VEGFA: variants seen among roughly 807,000 people sequenced by gnomAD.
VEGFA encodes vascular endothelial growth factor A, long form.
In VEGFA, 20 loss-of-function variants were observed where a neutral mutation model predicts 49.7. That is an observed-to-expected ratio of 0.40 (90% CI 0.28 to 0.58). The LOEUF (loss-of-function observed/expected upper bound fraction) is 0.58, where lower values mean the gene tolerates loss of function less well. Among genes scored for constraint, VEGFA ranks in the 20% least tolerant of loss-of-function variants. VEGFA has a pLI of 0.40. For missense variants in VEGFA, 505 were observed against 553.5 expected, an observed-to-expected ratio of 0.91 and a Z score of 0.88; for synonymous variants, 219 against 223.4, an observed-to-expected ratio of 0.98 and a Z score of 0.18.
Position 43,777,435 on chromosome 6 carries a change from C to T in VEGFA, c.659-34C>T, listed in dbSNP as rs939101660. 6.2e-6 allele frequency: 10 copies of T among 1,612,320 alleles called. 1 individual carries two copies. The highest frequency in any genetic ancestry group is 2.7e-5 in the African/African-American group (2 of 74,900). On this transcript the variant is annotated intron_variant, in intron 2 of 7. Transcript: ENST00000672860. This position sits in a 1 kb window ranked among gnomAD's most constrained non-coding sequence, Gnocchi z 4.3. ...AGGGGCTAGCCATCTTTTGTGTCGC[C>T]CACCGGGCTCATGTGTCATCGCCTC...
At chr6:43,778,431 C>A in intron 3 of VEGFA, 29 bp from the exon 4 acceptor site, 1 of 1,609,646 alleles carries the variant, frequency 6.2e-7, no homozygotes, top group South Asian at 1.1e-5. Flanking sequence ...GGGTCACTAA[C>A]CTCTGTGATC....
At chr6:43,781,214 A>T in intron 6 of VEGFA, 1 of 399,174 alleles carries the variant, frequency 2.5e-6, no homozygotes, top group Non-Finnish European at 4.7e-6. Context: ...ACATGGCCCA[A>T]GAAGGGCTGT....
Position 43,786,221 on chromosome 6 carries a change from A to C in VEGFA, c.*1659A>C, listed in dbSNP as rs1257856744. On this transcript the variant is annotated 3_prime_UTR_variant, in exon 8 of 8. Coordinates refer to ENST00000672860, the MANE Select transcript of VEGFA (RefSeq NM_003376.6). ...TTGCTATTCTGTTTTTTATATGTAA[A>C]AACAAAACAAGAAAAAATAGAGAAT... 4 of 177,940 alleles carry C rather than the reference A, an allele frequency of 2.2e-5. No homozygotes were observed. The highest frequency in any genetic ancestry group is 4.8e-5 in the Non-Finnish European group (4 of 83,066). 11.0% of individuals were successfully genotyped at this position (177,940 alleles called of 1,614,324 possible).
rs2127996584 is a variant in VEGFA, at chr6:43,771,072, G to A, written c.366G>A (p.Glu122=). Reference sequence around the variant, plus strand: ...GGAAGCCGGGCTCATGGACGGGTGAGGCGGCGGTGTGCGCAGACAGTGCTC... The same window carrying A: ...GGAAGCCGGGCTCATGGACGGGTGAAGCGGCGGTGTGCGCAGACAGTGCTC... The change falls in exon 1 of 8, where the codon GAG becomes GAA. Residue 122 remains glutamate (E), a synonymous_variant. Coordinates refer to ENST00000672860, the MANE Select transcript of VEGFA (RefSeq NM_003376.6). 1 of 1,502,972 alleles carries A rather than the reference G, an allele frequency of 6.7e-7. No individual in the cohort carries two copies. The highest frequency in any genetic ancestry group is 2.6e-5 in the East Asian group (1 of 38,020). The allele number at this position is 1,502,972 out of a possible 1,614,324, so 93.1% of individuals were successfully genotyped here. A position where few individuals can be genotyped will look rare whatever the true frequency, so the allele number is the denominator to read the frequency against.
intron 7 of VEGFA, chr6:43,784,147 G>T (rs1269478882): frequency 2.2e-5 from 7 of 318,168 alleles, no homozygotes; most frequent in Non-Finnish European, 4.2e-5. Context: ...CTCCTCAGCA[G>T]GGAGCCTCTT....
Position 43,785,657 on chromosome 6 carries a change from TTG to T in VEGFA, c.*1106_*1107del, listed in dbSNP as rs747174244. 13 of 199,688 alleles carry T rather than the reference TTG, an allele frequency of 6.5e-5. No individual in the cohort carries two copies. Among genetic ancestry groups the T allele is most frequent in the African/African-American group, 9.2e-5 (4 of 43,324 alleles). 12.4% of individuals were successfully genotyped at this position (199,688 alleles called of 1,614,324 possible). On this transcript the variant is annotated 3_prime_UTR_variant, in exon 8 of 8. Coordinates refer to ENST00000672860, the MANE Select transcript of VEGFA (RefSeq NM_003376.6). ...AGTTCTGTCCCCCCAGGAGACCTGG[TTG>T]TGTGTGTGTGAGTGGTTGACCTTCC...
chr6:43,782,109 A>C (rs745664349), intron 7 of VEGFA, 22 bp downstream of exon 7: 38 of 1,612,468 alleles, frequency 2.4e-5, no homozygotes, highest in Non-Finnish European at 3.1e-5. Context: ...GAGGGCAAGC[A>C]AGTCAGAGAG....
chr6:43,771,060 ATG>A lies in VEGFA; in HGVS notation c.355_356del (p.Trp119AspfsTer3). ...GACTCGGCGCTCGGAAGCCGGGCTC[ATG>A]GACGGGTGAGGCGGCGGTGTGCGCA... is the stretch of plus-strand genomic sequence containing the variant. On this transcript the variant is annotated frameshift_variant, in exon 1 of 8. Transcript: ENST00000672860. LOFTEE classifies it high-confidence loss of function. 7.3e-6 allele frequency: 11 copies of A among 1,514,572 alleles called. No individual in the cohort carries two copies. Among genetic ancestry groups the A allele is most frequent in the Non-Finnish European group, 8.8e-6 (10 of 1,131,264 alleles). The allele number at this position is 1,514,572 out of a possible 1,614,324, so 93.8% of individuals were successfully genotyped here. A position where few individuals can be genotyped will look rare whatever the true frequency, so the allele number is the denominator to read the frequency against.
At position 43,770,805 on chromosome 6, in the gene VEGFA, G is replaced by A; in HGVS notation, c.99G>A (p.Gly33=). 1 of 1,509,650 alleles carries A rather than the reference G, an allele frequency of 6.6e-7. No homozygotes were observed. The highest frequency in any genetic ancestry group is 1.3e-5 in the South Asian group (1 of 79,436). The allele number at this position is 1,509,650 out of a possible 1,614,324, so 93.5% of individuals were successfully genotyped here. Reference sequence around the variant, plus strand: ...ACGCGGCGGCGAGCCGCGGGCAGGGGCCGGAGCCCGCGCCCGGAGGCGGGG... The same window carrying A: ...ACGCGGCGGCGAGCCGCGGGCAGGGACCGGAGCCCGCGCCCGGAGGCGGGG... Residue 33 remains glycine (G), a synonymous_variant, in exon 1 of 8, where the codon GGG becomes GGA. Transcript: ENST00000672860.
At position 43,771,352 on chromosome 6, in the gene VEGFA, A is replaced by G. The variant is rs1258835077; in HGVS notation, c.606+40A>G. The G allele has an allele frequency of 2.5e-6, 4 of 1,583,026 alleles. No homozygotes were observed. In the African/African-American group the frequency reaches 5.6e-5, roughly 22 times the overall value. On this transcript the variant is annotated intron_variant, in intron 1 of 7. Coordinates refer to ENST00000672860, the MANE Select transcript of VEGFA (RefSeq NM_003376.6). ...CCTGCTGGCGCCGCGGGCCGCTGCG[A>G]GCGCCTCTCCCGGCTGGGGACGTGC... is the stretch of plus-strand genomic sequence containing the variant.
At chr6:43,772,392 T>G (rs1036917737) in intron 1 of VEGFA, among the ~76,000 whole-genome samples, 1 of 152,332 alleles carries the variant, frequency 6.6e-6, no homozygotes, top group Middle Eastern at 3.4e-3. Flanking sequence ...AAGTCCCGAC[T>G]TGGTGACAGT....
chr6:43,770,761 G>T lies in VEGFA; in HGVS notation c.55G>T (p.Gly19Cys). ...CAGCCCCAGCTACCACCTCCTCCCC[G>T]GCCGGCGGCGGACAGTGGACGCGGC... Residue 19 changes from glycine (G) to cysteine (C), a missense_variant, in exon 1 of 8, where the codon GGC (glycine) becomes TGC (cysteine). Coordinates refer to ENST00000672860, the MANE Select transcript of VEGFA (RefSeq NM_003376.6). 1 of 1,488,922 alleles carries T rather than the reference G, an allele frequency of 6.7e-7. No individual in the cohort carries two copies. Among genetic ancestry groups the T allele is most frequent in the Non-Finnish European group, 8.9e-7 (1 of 1,127,234 alleles). The allele number at this position is 1,488,922 out of a possible 1,614,324, so 92.2% of individuals were successfully genotyped here. A position where few individuals can be genotyped will look rare whatever the true frequency, so the allele number is the denominator to read the frequency against.
intron 1 of VEGFA, 30 bp downstream of exon 1, chr6:43,771,342 G>A (rs1229817057): frequency 1.3e-6 from 2 of 1,586,940 alleles, no homozygotes; most frequent in East Asian, 2.4e-5. Flanking sequence ...TGGCGCCGCG[G>A]GCCGCTGCGA....
Position 43,780,517 on chromosome 6 carries a change from G to A in VEGFA, c.963-215G>A. 6 of 632,504 alleles carry A rather than the reference G, an allele frequency of 9.5e-6. No individual in the cohort carries two copies. In the South Asian group the frequency reaches 1.1e-4, roughly 12 times the overall value. The allele number at this position is 632,504 out of a possible 1,614,324, so 39.2% of individuals were successfully genotyped here. A position where few individuals can be genotyped will look rare whatever the true frequency, so the allele number is the denominator to read the frequency against. Reference sequence around the variant, plus strand: ...GCCATCCCATGGTGGGCAGCGTGAGGAGAAGAAAGAGCCATCGAGTGCTTG... The same window carrying A: ...GCCATCCCATGGTGGGCAGCGTGAGAAGAAGAAAGAGCCATCGAGTGCTTG... On this transcript the variant is annotated intron_variant, in intron 5 of 7. Coordinates refer to ENST00000672860, the MANE Select transcript of VEGFA (RefSeq NM_003376.6).
rs1011182362 is a variant in VEGFA at position 43,770,580 on chromosome 6, A to T, written c.-127A>T. 44 of 1,401,888 alleles carry T rather than the reference A, an allele frequency of 3.1e-5. No individual in the cohort carries two copies. The highest frequency in any genetic ancestry group is 6.0e-5 in the African/African-American group (4 of 66,484). The allele number at this position is 1,401,888 out of a possible 1,614,324, so 86.8% of individuals were successfully genotyped here. On this transcript the variant is annotated 5_prime_UTR_variant, in exon 1 of 8. Coordinates refer to ENST00000672860, the MANE Select transcript of VEGFA (RefSeq NM_003376.6). ...AGTCGAGGAAGAGAGAGACGGGGTC[A>T]GAGAGAGCGCGCGGGCGTGCGAGCA...
intron 7 of VEGFA, chr6:43,782,524 G>A (rs558690152): frequency 2.0e-5 from 6 of 295,226 alleles, no homozygotes; most frequent in East Asian, 1.7e-4. Flanking sequence ...GCCTTGCCTC[G>A]GCCCTTTGAA....
chr6:43,782,363 G>A, intron 7 of VEGFA: 1 of 457,944 alleles, frequency 2.2e-6, no homozygotes, highest in East Asian at 4.5e-5. Flanking sequence ...GTAGTGGTGT[G>A]GACGCAAGCT....
In VEGFA at chr6:43,785,280, G is replaced by C. The variant is rs573628689; in HGVS notation, c.*718G>C. ...CTCTCTACCCCAGGTCAGACGGACA[G>C]AAAGACAGATCACAGGTACAGGGAT... On this transcript the variant is annotated 3_prime_UTR_variant, in exon 8 of 8. Coordinates refer to ENST00000672860, the MANE Select transcript of VEGFA (RefSeq NM_003376.6). The C allele has an allele frequency of 1.5e-5, 3 of 206,176 alleles. No homozygotes were observed. The East Asian group carries it at 2.2e-4, about 15-fold the overall frequency. 12.8% of individuals were successfully genotyped at this position (206,176 alleles called of 1,614,324 possible). A position where few individuals can be genotyped will look rare whatever the true frequency, so the allele number is the denominator to read the frequency against.
At chr6:43,776,407 C>T (rs1384003435) in intron 2 of VEGFA, 1 of 152,212 alleles carries the variant, frequency 6.6e-6, no homozygotes. Flanking sequence ...GTAGTCATGC[C>T]AGAGTCCTGC....
Sources: allele counts gnomAD v4.1 joint callset (sites outside exome capture counted in the v4.1 genomes callset), GRCh38; gene constraint gnomAD v4.1.1; non-coding constraint Gnocchi (gnomAD v3.1); transcripts MANE v1.5; gene names NCBI Gene and HGNC (gene_info 2026-07-23, HGNC 2026-07-21).